TVP23A: variants seen among roughly 807,000 people sequenced by gnomAD.
TVP23A encodes Golgi apparatus membrane protein TVP23 homolog A.
A neutral mutation model predicts 31.7 loss-of-function variants in TVP23A; 21 were observed. That is an observed-to-expected ratio of 0.66 (90% confidence interval 0.47 to 0.95). TVP23A has a LOEUF of 0.95. Among genes scored for constraint, TVP23A ranks in the 40% least tolerant of loss-of-function variants. TVP23A has a pLI of 0.00. For missense variants in TVP23A, 279 were observed against 255.6 expected (o/e 1.09, Z -0.62); for synonymous variants, 104 against 96.0 (o/e 1.08, Z -0.49).
In TVP23A at chr16:10,768,086, T is replaced by C. The variant is rs1212177845; in HGVS notation, c.*1016A>G. Reference sequence around the variant, plus strand: ...GATGCCTGTGGGGCAGGAAGCAACATAAAGGAGCCAGGGGTGTGGAAGGAC... The same window carrying C: ...GATGCCTGTGGGGCAGGAAGCAACACAAAGGAGCCAGGGGTGTGGAAGGAC... On this transcript the variant is annotated 3_prime_UTR_variant, in exon 8 of 8. Coordinates refer to ENST00000299866, the MANE Select transcript of TVP23A (RefSeq NM_001079512.4). This position sits in a 1 kb window ranked among gnomAD's most constrained non-coding sequence, Gnocchi z 4.3. 4.5e-6 allele frequency: 7 copies of C among 1,557,078 alleles called. No individual in the cohort carries two copies. Among genetic ancestry groups the C allele is most frequent in the Non-Finnish European group, 6.2e-6 (7 of 1,131,258 alleles).
At chr16:10,798,536 G>T (rs373790347) in intron 2 of TVP23A, among the ~76,000 whole-genome samples, 1 of 152,210 alleles carries the variant, frequency 6.6e-6, no homozygotes, top group Non-Finnish European at 1.5e-5. Context: ...TCATACCCTC[G>T]TGTAGTCACG....
chr16:10,785,173 G>A (rs1160840231), intron 2 of TVP23A, among the ~76,000 whole-genome samples: 1 of 151,886 alleles, frequency 6.6e-6, no homozygotes, highest in Non-Finnish European at 1.5e-5. Context: ...GGGAGGCCAA[G>A]GCGGGTGGAT....
At chr16:10,791,113 G>A (rs2033079396) in intron 2 of TVP23A, among the ~76,000 whole-genome samples, 2 of 152,138 alleles carry the variant, frequency 1.3e-5, no homozygotes, top group Non-Finnish European at 1.5e-5. Context: ...CCAGATCAGA[G>A]AGAGCCCTCC....
At chr16:10,800,520 A>C (rs142376342) in intron 2 of TVP23A, among the ~76,000 whole-genome samples, 509 of 152,334 alleles carry the variant, frequency 3.3e-3, no homozygotes, top group Admixed American at 6.5e-3. Flanking sequence ...GGCATTCTAG[A>C]AACTATGGAC....
chr16:10,797,307 C>T (rs1182285033), intron 2 of TVP23A, among the ~76,000 whole-genome samples: 5 of 151,430 alleles, frequency 3.3e-5, no homozygotes, highest in African/African-American at 7.3e-5. Flanking sequence ...CCGAGACGGG[C>T]GGATCACCTG....
intron 2 of TVP23A, among the ~76,000 whole-genome samples, chr16:10,782,437 C>T (rs749960929): frequency 1.3e-5 from 2 of 152,108 alleles, no homozygotes; most frequent in Non-Finnish European, 2.9e-5. Flanking sequence ...AAACCTGTGC[C>T]ACCAGCCCCA....
intron 2 of TVP23A, among the ~76,000 whole-genome samples, chr16:10,790,429 C>T (rs976729773): frequency 5.9e-5 from 9 of 151,878 alleles, no homozygotes; most frequent in Admixed American, 2.6e-4. Context: ...GGACTACAGG[C>T]GCCCGCCACC....
intron 2 of TVP23A, among the ~76,000 whole-genome samples, chr16:10,780,553 T>C (rs2032361049): frequency 6.6e-6 from 1 of 152,182 alleles, no homozygotes; most frequent in Non-Finnish European, 1.5e-5. Context: ...TAGTGAGAAC[T>C]GGCCTGCCAC....
chr16:10,812,545 T>C (rs1567319348), intron 2 of TVP23A, among the ~76,000 whole-genome samples: 2 of 152,232 alleles, frequency 1.3e-5, no homozygotes, highest in Admixed American at 6.5e-5. Context: ...AGTTTATTCA[T>C]ATCATGGAAC....
At chr16:10,780,999 T>C (rs1720872949) in intron 2 of TVP23A, among the ~76,000 whole-genome samples, 1 of 152,080 alleles carries the variant, frequency 6.6e-6, no homozygotes, top group Non-Finnish European at 1.5e-5. Flanking sequence ...TTCCACACAG[T>C]ATCCAACATC....
rs780767359 is a variant in TVP23A, at chr16:10,773,305, G to A, written c.453+8C>T. 2 of 1,599,684 alleles carry A rather than the reference G, an allele frequency of 1.3e-6. No homozygotes were observed. The highest frequency in any genetic ancestry group is 8.5e-7 in the Non-Finnish European group (1 of 1,175,808). ...CAAAGCAATGTGGAAGTCAAGATCT[G>A]GCCTTACCAGCCACTTTAGCTTCAA... On this transcript the variant is annotated splice_region_variant and intron_variant, in intron 5 of 7. Transcript: ENST00000299866.
At chr16:10,811,038 G>C (rs577649039) in intron 2 of TVP23A, among the ~76,000 whole-genome samples, 9 of 152,212 alleles carry the variant, frequency 5.9e-5, no homozygotes, top group Non-Finnish European at 1.0e-4. Flanking sequence ...GAAATGTCCG[G>C]AACAGGCAAA....
At chr16:10,812,969 C>G (rs2034270591) in intron 2 of TVP23A, among the ~76,000 whole-genome samples, 1 of 152,042 alleles carries the variant, frequency 6.6e-6, no homozygotes, top group African/African-American at 2.4e-5. Flanking sequence ...GCATGGCTAA[C>G]ATTTCCTCTG....
At chr16:10,813,679 C>T (rs183208941) in intron 2 of TVP23A, among the ~76,000 whole-genome samples, 2 of 152,210 alleles carry the variant, frequency 1.3e-5, no homozygotes, top group East Asian at 1.9e-4. Flanking sequence ...GTTTCCTGAA[C>T]CCCTGAAGCC....
Position 10,802,268 on chromosome 16 carries a change from GTGTGTGTGTGTGTGTGTA to G in TVP23A, c.89+15817_89+15834del, listed in dbSNP as rs1389741820. On this transcript the variant is annotated intron_variant, in intron 2 of 7. Coordinates refer to ENST00000299866, the MANE Select transcript of TVP23A (RefSeq NM_001079512.4). The stretch of plus-strand genomic sequence containing the variant: ...TGTGTGTGTGTGTGTGTGTGTGTGT[GTGTGTGTGTGTGTGTGTA>G]TATGTGTGTGTGTGTCAGAGTCTCA... 2.0e-3 allele frequency among the ~76,000 whole-genome samples: 279 copies of G among 140,018 alleles called. 1 individual carries two copies. Among genetic ancestry groups the G allele is most frequent in the African/African-American group, 8.2e-3 (266 of 32,244 alleles). The allele number at this position is 140,018 out of a possible 152,430, so 91.9% of individuals were successfully genotyped here.
intron 2 of TVP23A, among the ~76,000 whole-genome samples, chr16:10,788,261 T>C (rs1018236387): frequency 1.3e-5 from 2 of 149,282 alleles, no homozygotes; most frequent in Non-Finnish European, 2.9e-5. Flanking sequence ...AGATGAGGGG[T>C]TGTGAGCAAG....
chr16:10,769,828 C>G (rs971398125), intron 7 of TVP23A, among the ~76,000 whole-genome samples: 1 of 152,172 alleles, frequency 6.6e-6, no homozygotes, highest in African/African-American at 2.4e-5. Context: ...CTACGATCAT[C>G]CTCTTTGCCA....
chr16:10,781,359 G>T (rs968710898), intron 2 of TVP23A, among the ~76,000 whole-genome samples: 7 of 151,744 alleles, frequency 4.6e-5, no homozygotes, highest in African/African-American at 1.7e-4. Flanking sequence ...GAAGAGGTGA[G>T]AAAATGACAC....
intron 2 of TVP23A, among the ~76,000 whole-genome samples, chr16:10,787,254 G>A (rs1442707775): frequency 6.6e-6 from 1 of 152,322 alleles, no homozygotes; most frequent in South Asian, 2.1e-4. Flanking sequence ...GAGGATATGA[G>A]AGTCCTCTGT....
Sources: gnomAD v4.1 joint callset for allele counts (sites outside exome capture counted in the v4.1 genomes callset) on GRCh38, gnomAD v4.1.1 for gene constraint, Gnocchi (gnomAD v3.1) non-coding constraint, MANE v1.5 for transcripts, NCBI Gene and HGNC (gene_info 2026-07-23, HGNC 2026-07-21) for gene names.